The following PDE4D variants were observed in gnomAD, a reference collection of about 807,000 sequenced individuals.
PDE4D encodes the protein 3',5'-cyclic-AMP phosphodiesterase 4D.
In PDE4D, 24 loss-of-function variants were observed where a neutral mutation model predicts 87.4. The ratio of observed to expected loss-of-function variants is 0.27; its 90% CI spans 0.20 to 0.39. The LOEUF (loss-of-function observed/expected upper bound fraction) is 0.39, where lower values mean the gene tolerates loss of function less well. Among genes scored for constraint, PDE4D ranks in the 10% least tolerant of loss-of-function variants. The probability of loss-of-function intolerance (pLI) is 1.00; values close to 1 mark genes in which losing one functional copy is unlikely to be tolerated. For missense variants in PDE4D, 714 were observed against 1,041.0 expected (o/e 0.69, Z 4.32); for synonymous variants, 384 against 383.2 (o/e 1.00, Z -0.02).
At chr5:59,655,611 CTGTTT>C (rs1162717579) in intron 1 of PDE4D, among the ~76,000 whole-genome samples, 1 of 151,968 alleles carries the variant, frequency 6.6e-6, no homozygotes, top group Non-Finnish European at 1.5e-5. Flanking sequence ...TGAGTTTGTT[CTGTTT>C]TGTTTTATTT....
chr5:59,481,366 G>A (rs1279607111), intron 1 of PDE4D, among the ~76,000 whole-genome samples: 1 of 146,824 alleles, frequency 6.8e-6, no homozygotes, highest in East Asian at 2.0e-4. Context: ...GTAATACAAT[G>A]TAGTCCAAAA....
intron 1 of PDE4D, among the ~76,000 whole-genome samples, chr5:59,759,070 G>A (rs1761646280): frequency 6.6e-6 from 1 of 151,796 alleles, no homozygotes; most frequent in Non-Finnish European, 1.5e-5. Context: ...TTAAAAAAAA[G>A]ACATTATTTT....
At chr5:59,513,904 A>T (rs1385694179) in intron 1 of PDE4D, among the ~76,000 whole-genome samples, 1 of 152,158 alleles carries the variant, frequency 6.6e-6, no homozygotes, top group African/African-American at 2.4e-5. Context: ...GTATAAAGGA[A>T]AACTTAGAGC....
intron 1 of PDE4D, among the ~76,000 whole-genome samples, chr5:59,879,507 A>T (rs886937873): frequency 6.6e-6 from 1 of 152,238 alleles, no homozygotes; most frequent in African/African-American, 2.4e-5. Flanking sequence ...CTACTAGTGC[A>T]CATTTGAGGA....
chr5:60,219,334 T>C (rs1744231003), intron 1 of PDE4D, among the ~76,000 whole-genome samples: 1 of 152,166 alleles, frequency 6.6e-6, no homozygotes, highest in Non-Finnish European at 1.5e-5. Context: ...TGACAATTGC[T>C]ACTGGAATAA....
At chr5:59,103,455 CATTA>C (rs1382032737) in intron 5 of PDE4D, among the ~76,000 whole-genome samples, 1 of 150,680 alleles carries the variant, frequency 6.6e-6, no homozygotes, top group Non-Finnish European at 1.5e-5. Flanking sequence ...GGAAGTTTCG[CATTA>C]AATATTGGAT....
intron 1 of PDE4D, among the ~76,000 whole-genome samples, chr5:60,195,603 T>G (rs1449522810): frequency 6.6e-6 from 1 of 151,642 alleles, no homozygotes; most frequent in South Asian, 2.1e-4. Context: ...TGGACACTTG[T>G]GGTATGCAAT....
chr5:59,448,261 A>G (rs1191196054), intron 1 of PDE4D, among the ~76,000 whole-genome samples: 1 of 151,972 alleles, frequency 6.6e-6, no homozygotes, highest in African/African-American at 2.4e-5. Flanking sequence ...GTGAGGTGGG[A>G]CTCTCCATGC....
At chr5:60,230,461 C>G (rs994201317) in intron 1 of PDE4D, among the ~76,000 whole-genome samples, 2 of 152,068 alleles carry the variant, frequency 1.3e-5, no homozygotes, top group African/African-American at 4.8e-5. Context: ...TGCAAACCAC[C>G]CATATCCCGA....
intron 1 of PDE4D, among the ~76,000 whole-genome samples, chr5:59,413,830 T>G (rs16889810): frequency 6.6e-6 from 1 of 152,204 alleles, no homozygotes; most frequent in African/African-American, 2.4e-5. Flanking sequence ...AACTTCCTCC[T>G]AGAATGATGC....
chr5:59,606,077 G>C (rs966733115), intron 1 of PDE4D, among the ~76,000 whole-genome samples: 4 of 152,016 alleles, frequency 2.6e-5, no homozygotes, highest in African/African-American at 9.6e-5. Context: ...ATATACATAT[G>C]TATATACATG....
intron 1 of PDE4D, among the ~76,000 whole-genome samples, chr5:60,247,924 C>T (rs992652802): frequency 7.2e-5 from 11 of 152,036 alleles, no homozygotes; most frequent in African/African-American, 2.7e-4. Flanking sequence ...CTTTGACCCA[C>T]AGGGTTTCAA....
chr5:59,167,686 T>C (rs1429844335), intron 5 of PDE4D, among the ~76,000 whole-genome samples: 29 of 152,220 alleles, frequency 1.9e-4, no homozygotes, highest in Admixed American at 1.9e-3. Flanking sequence ...TTTATTTTAC[T>C]TATTCATTTA....
chr5:59,474,154 T>C (rs371663200), intron 1 of PDE4D, among the ~76,000 whole-genome samples: 30 of 152,232 alleles, frequency 2.0e-4, no homozygotes, highest in African/African-American at 5.5e-4. Context: ...GGCATAACAC[T>C]AACAAGAGCA....
chr5:60,130,263 G>C (rs934075272), intron 2 of PDE4D, among the ~76,000 whole-genome samples: 2 of 152,164 alleles, frequency 1.3e-5, no homozygotes, highest in African/African-American at 4.8e-5. Flanking sequence ...GCACAAAACA[G>C]GATGGTGTGC....
intron 1 of PDE4D, among the ~76,000 whole-genome samples, chr5:59,794,126 C>A (rs1425146126): frequency 2.8e-5 from 4 of 140,536 alleles, no homozygotes; most frequent in African/African-American, 1.1e-4. Flanking sequence ...CACAGACACA[C>A]ACACAGAGGC....
At chr5:60,056,859 T>C (rs1352085704) in intron 2 of PDE4D, among the ~76,000 whole-genome samples, 1 of 151,962 alleles carries the variant, frequency 6.6e-6, no homozygotes, top group African/African-American at 2.4e-5. Flanking sequence ...AGCTCTAATT[T>C]GATATTATTA....
intron 1 of PDE4D, among the ~76,000 whole-genome samples, chr5:59,878,891 T>G (rs1205650794): frequency 5.6e-5 from 4 of 71,040 alleles, no homozygotes; most frequent in Non-Finnish European, 1.1e-4. Context: ...AAGTAAGTTT[T>G]TTTTTTTTTT....
intron 1 of PDE4D, among the ~76,000 whole-genome samples, chr5:59,302,043 C>T (rs190016377): frequency 7.4e-4 from 112 of 151,488 alleles, no homozygotes; most frequent in African/African-American, 2.5e-3. Context: ...AGGGGCAAAA[C>T]GTCAGAGTTT....
Sources: gnomAD v4.1 joint callset for allele counts (sites outside exome capture counted in the v4.1 genomes callset) on GRCh38, gnomAD v4.1.1 for gene constraint, MANE v1.5 for transcripts, NCBI Gene and HGNC (gene_info 2026-07-23, HGNC 2026-07-21) for gene names.